PTCSC3: variants seen among roughly 807,000 people sequenced by gnomAD.
The protein encoded by PTCSC3 is papillary thyroid carcinoma susceptibility candidate 3 (non-protein coding).
chr14:36,147,556 C>A (rs1022803316), intron 3 of PTCSC3, among the ~76,000 whole-genome samples: 1 of 152,058 alleles, frequency 6.6e-6, no homozygotes, highest in South Asian at 2.1e-4. Context: ...TCTAGTTATA[C>A]ATTCTTCTAA....
intron 2 of PTCSC3, among the ~76,000 whole-genome samples, chr14:36,155,214 T>A (rs1377352506): frequency 6.6e-6 from 1 of 152,194 alleles, no homozygotes; most frequent in Non-Finnish European, 1.5e-5. Flanking sequence ...TCCAAGGTAG[T>A]TAAGTGACTG....
intron 1 of PTCSC3, among the ~76,000 whole-genome samples, chr14:36,166,001 G>A (rs555339382): frequency 6.6e-6 from 1 of 152,206 alleles, no homozygotes; most frequent in South Asian, 2.1e-4. Context: ...ATAAAAACTA[G>A]CAATTCTAAA....
intron 1 of PTCSC3, among the ~76,000 whole-genome samples, chr14:36,167,308 T>C (rs1391271141): frequency 1.3e-5 from 2 of 152,190 alleles, no homozygotes; most frequent in Non-Finnish European, 2.9e-5. Flanking sequence ...TTAGGTTTTT[T>C]TTCCCTTTCT....
chr14:36,159,695 G>A (rs958823012), intron 2 of PTCSC3, among the ~76,000 whole-genome samples: 2 of 152,200 alleles, frequency 1.3e-5, no homozygotes, highest in Non-Finnish European at 2.9e-5. Flanking sequence ...AGTGCTATGT[G>A]ATGCTGAGAA....
At chr14:36,168,754 T>C (rs1171293320) in intron 1 of PTCSC3, among the ~76,000 whole-genome samples, 1 of 152,094 alleles carries the variant, frequency 6.6e-6, no homozygotes, top group African/African-American at 2.4e-5. Context: ...TAGCTGGAAC[T>C]GCAAGTACCT....
chr14:36,159,436 G>A (rs1350758494), intron 2 of PTCSC3, among the ~76,000 whole-genome samples: 1 of 152,060 alleles, frequency 6.6e-6, no homozygotes, highest in African/African-American at 2.4e-5. Flanking sequence ...CAGAGATTCT[G>A]GTACATTGTG....
chr14:36,158,499 C>T lies in PTCSC3; in HGVS notation n.231+4125G>A, dbSNP rs183104940. Among the ~76,000 whole-genome samples, 12 of 152,266 alleles carry T rather than the reference C, an allele frequency of 7.9e-5. No individual in the cohort carries two copies. The East Asian group carries it at 2.1e-3, about 27-fold the overall frequency. ...ATTCTACTGAAGGTCTTTTCTGCATCTATTGAGATAATCCTGTGGTTTTGT... is the reference window on the plus strand; with the variant it reads ...ATTCTACTGAAGGTCTTTTCTGCATTTATTGAGATAATCCTGTGGTTTTGT... On this transcript the variant is annotated intron_variant and non_coding_transcript_variant, in intron 2 of 3. Transcript: ENST00000556013.
chr14:36,156,583 C>T (rs1236890558), intron 2 of PTCSC3, among the ~76,000 whole-genome samples: 1 of 152,058 alleles, frequency 6.6e-6, no homozygotes, highest in Non-Finnish European at 1.5e-5. Flanking sequence ...CCTTGACGGG[C>T]CCCAGTGTGT....
At chr14:36,166,218 A>G (rs1299941083) in intron 1 of PTCSC3, among the ~76,000 whole-genome samples, 1 of 152,190 alleles carries the variant, frequency 6.6e-6, no homozygotes, top group Non-Finnish European at 1.5e-5. Context: ...GGCACGCTAC[A>G]GCAACAGCTT....
chr14:36,175,549 T>C (rs1016009012), intron 1 of PTCSC3, among the ~76,000 whole-genome samples: 7 of 152,182 alleles, frequency 4.6e-5, no homozygotes, highest in African/African-American at 1.7e-4. Flanking sequence ...CAAAAGTTCA[T>C]GTGGCTTAAA....
At chr14:36,166,070 CTCTTA>C (rs2139110593) in intron 1 of PTCSC3, among the ~76,000 whole-genome samples, 1 of 152,264 alleles carries the variant, frequency 6.6e-6, no homozygotes, top group Non-Finnish European at 1.5e-5. Context: ...TTACATGCTT[CTCTTA>C]TCAGTCAGCC....
intron 1 of PTCSC3, among the ~76,000 whole-genome samples, chr14:36,169,798 T>C (rs181545650): frequency 7.2e-5 from 11 of 152,288 alleles, no homozygotes; most frequent in African/African-American, 2.4e-4. Context: ...TTGCCACTTT[T>C]CTTACACATA....
At chr14:36,159,820 T>C (rs1443656926) in intron 2 of PTCSC3, among the ~76,000 whole-genome samples, 1 of 151,278 alleles carries the variant, frequency 6.6e-6, no homozygotes, top group Non-Finnish European at 1.5e-5. Context: ...TGTCTAATAT[T>C]GACAGTGTTA....
chr14:36,149,041 T>C (rs1881662960), intron 3 of PTCSC3, among the ~76,000 whole-genome samples: 1 of 151,940 alleles, frequency 6.6e-6, no homozygotes, highest in Non-Finnish European at 1.5e-5. Flanking sequence ...TCTGCTTGCT[T>C]TAAGGTTATA....
chr14:36,160,993 C>G (rs1438402598), intron 2 of PTCSC3, among the ~76,000 whole-genome samples: 1 of 152,066 alleles, frequency 6.6e-6, no homozygotes, highest in Non-Finnish European at 1.5e-5. Context: ...TCTGTGATAT[C>G]TTTCTTCCAC....
chr14:36,135,713 G>A (rs1881270293), downstream of PTCSC3, among the ~76,000 whole-genome samples: 1 of 152,110 alleles, frequency 6.6e-6, no homozygotes, highest in South Asian at 2.1e-4. Context: ...GTTATTTGCT[G>A]TATTTTAAAT....
chr14:36,167,344 T>C (rs1034193677), intron 1 of PTCSC3, among the ~76,000 whole-genome samples: 1 of 152,198 alleles, frequency 6.6e-6, no homozygotes, highest in African/African-American at 2.4e-5. Flanking sequence ...AAGACGTTGA[T>C]GCATAACTTC....
At chr14:36,140,580 CAT>C (rs1881396651) in intron 3 of PTCSC3, among the ~76,000 whole-genome samples, 1 of 152,168 alleles carries the variant, frequency 6.6e-6, no homozygotes, top group Admixed American at 6.5e-5. Context: ...TCCCTAATGA[CAT>C]GTGATGCTGA....
exon 1 of PTCSC3, chr14:36,176,300 C>A (rs1368106024): frequency 2.6e-5 from 4 of 151,956 alleles, no homozygotes; most frequent in African/African-American, 7.3e-5. Context: ...ACACTTACCA[C>A]CATGGTCTAG....
Sources: allele counts gnomAD v4.1 joint callset (sites outside exome capture counted in the v4.1 genomes callset), GRCh38; gene constraint gnomAD v4.1.1; transcripts MANE v1.5; gene names NCBI Gene and HGNC (gene_info 2026-07-23, HGNC 2026-07-21).